Variants in PSMG2 observed in about 807,000 individuals in gnomAD.
PSMG2 encodes the protein proteasome assembly chaperone 2, also known as CD40 ligand-activated specific transcript 3.
PSMG2 carries 21 observed loss-of-function variants against 31.5 expected under a neutral mutation model. The ratio of observed to expected loss-of-function variants is 0.67; its 90% CI spans 0.47 to 0.96. The LOEUF (loss-of-function observed/expected upper bound fraction) is 0.96, where lower values mean the gene tolerates loss of function less well. Among genes scored for constraint, PSMG2 ranks in the 40% least tolerant of loss-of-function variants. The pLI is 0.00. For missense variants in PSMG2, 318 were observed against 321.2 expected, an observed-to-expected ratio of 0.99 and a Z score of 0.08; for synonymous variants, 120 against 110.4, an observed-to-expected ratio of 1.09 and a Z score of -0.54.
intron 1 of PSMG2, among the ~76,000 whole-genome samples, chr18:12,696,204 T>A (rs1458338774): frequency 6.6e-6 from 1 of 152,170 alleles, no homozygotes; most frequent in African/African-American, 2.4e-5. Flanking sequence ...TTGGTATGAC[T>A]TATTAAAATC....
chr18:12,673,467 T>G (rs2039002669), intron 1 of PSMG2: 2 of 1,588,590 alleles, frequency 1.3e-6, no homozygotes, highest in African/African-American at 2.7e-5. Flanking sequence ...GCACTTGGTC[T>G]CCACGGCAAC....
chr18:12,711,115 A>G (rs1343379444), intron 2 of PSMG2, among the ~76,000 whole-genome samples: 7 of 151,938 alleles, frequency 4.6e-5, no homozygotes, highest in African/African-American at 1.7e-4. Context: ...ACAAACAAAA[A>G]ACAAAAATTA....
chr18:12,699,319 A>G (rs546993936), upstream of PSMG2: 4 of 691,178 alleles, frequency 5.8e-6, no homozygotes, highest in Admixed American at 1.2e-4. Flanking sequence ...GACTAAAAAA[A>G]AAGCAAAAGA....
intron 1 of PSMG2, chr18:12,680,595 T>TAA: frequency 1.2e-6 from 1 of 848,446 alleles, no homozygotes; most frequent in Non-Finnish European, 1.6e-6. Flanking sequence ...AGACTCCATC[T>TAA]CAAAAAAAAA....
At chr18:12,665,618 C>A (rs1297287584) in intron 1 of PSMG2, among the ~76,000 whole-genome samples, 1 of 152,172 alleles carries the variant, frequency 6.6e-6, no homozygotes, top group Non-Finnish European at 1.5e-5. Context: ...ATTATTGACA[C>A]TGAAATTCAT....
In PSMG2 at chr18:12,725,704, G is replaced by A. The variant is rs1039191567; in HGVS notation, c.*173G>A. ...ATGCTTTTCATCATATGCACCAAAT[G>A]TAAATTTTGTACAATAAAATTTTAT... is the stretch of plus-strand genomic sequence containing the variant. On this transcript the variant is annotated 3_prime_UTR_variant, in exon 7 of 7. Transcript: ENST00000317615. The A allele has an allele frequency of 4.6e-6, 2 of 436,432 alleles. No homozygotes were observed. Among genetic ancestry groups the A allele is most frequent in the Non-Finnish European group, 8.0e-6 (2 of 249,820 alleles). The allele number at this position is 436,432 out of a possible 1,614,324, so 27.0% of individuals were successfully genotyped here. A position where few individuals can be genotyped will look rare whatever the true frequency, so the allele number is the denominator to read the frequency against.
chr18:12,703,515 C>G (rs188331146), intron 1 of PSMG2, among the ~76,000 whole-genome samples: 1 of 152,308 alleles, frequency 6.6e-6, no homozygotes, highest in East Asian at 1.9e-4. Context: ...CTTAAGCTAG[C>G]ATATTATCGT....
At chr18:12,686,992 A>G (rs2039562094) in intron 1 of PSMG2, among the ~76,000 whole-genome samples, 1 of 152,198 alleles carries the variant, frequency 6.6e-6, no homozygotes, top group African/African-American at 2.4e-5. Flanking sequence ...AACACTCTAG[A>G]AAAAGTTTTA....
upstream of PSMG2, chr18:12,702,752 T>C (rs932706553): frequency 5.0e-6 from 3 of 600,206 alleles, no homozygotes; most frequent in Middle Eastern, 4.4e-4. Flanking sequence ...GCGCCAACTG[T>C]TTTCAAACAG....
intron 1 of PSMG2, among the ~76,000 whole-genome samples, chr18:12,703,986 T>C (rs113684625): frequency 1.4e-3 from 212 of 152,220 alleles, no homozygotes; most frequent in Non-Finnish European, 2.4e-3. Flanking sequence ...GAAGGCACCA[T>C]TGGAAAATGC....
chr18:12,692,281 G>A (rs1364151686), intron 1 of PSMG2: 7 of 150,906 alleles, frequency 4.6e-5, no homozygotes, highest in Non-Finnish European at 8.8e-5. Flanking sequence ...ATGCCACCGT[G>A]CTCCACCCTG....
intron 1 of PSMG2, among the ~76,000 whole-genome samples, chr18:12,669,058 T>TTTTTTTA (rs2038873511): frequency 7.8e-6 from 1 of 127,490 alleles, no homozygotes; most frequent in African/African-American, 2.8e-5. Context: ...TTTTTTTTTT[T>TTTTTTTA]GAGACAGAGT....
upstream of PSMG2, chr18:12,702,954 A>T (rs1003476244): frequency 2.8e-5 from 22 of 798,382 alleles, no homozygotes; most frequent in Middle Eastern, 3.6e-4. Flanking sequence ...CTGAACCGGC[A>T]GTTAGCTGGA....
intron 5 of PSMG2, among the ~76,000 whole-genome samples, chr18:12,721,546 C>T (rs2040430849): frequency 6.6e-6 from 1 of 152,114 alleles, no homozygotes; most frequent in African/African-American, 2.4e-5. Context: ...TAACTCCCAA[C>T]TTTATTTCTG....
chr18:12,683,347 G>A lies in PSMG2; in HGVS notation c.-36-23203G>A, dbSNP rs371536252. ...AGCCTGGGCGACAGAGCGAGACCCC[G>A]TCCTAAACAAAAACAAAAGAAAACA... is the stretch of plus-strand genomic sequence containing the variant. On this transcript the variant is annotated intron_variant, in intron 1 of 6. Coordinates refer to the PSMG2 transcript ENST00000585331. Among the ~76,000 whole-genome samples, 17 of 145,884 alleles carry A rather than the reference G, an allele frequency of 1.2e-4. No individual in the cohort carries two copies. In the South Asian group the frequency reaches 2.3e-3, roughly 19 times the overall value.
intron 1 of PSMG2, among the ~76,000 whole-genome samples, chr18:12,692,682 ATT>A (rs2039810931): frequency 6.6e-6 from 1 of 152,166 alleles, no homozygotes; most frequent in Non-Finnish European, 1.5e-5. Flanking sequence ...TTGCTGACTT[ATT>A]GTTTCTCCTG....
At chr18:12,667,298 A>G (rs1447325229) in intron 1 of PSMG2, among the ~76,000 whole-genome samples, 1 of 152,142 alleles carries the variant, frequency 6.6e-6, no homozygotes, top group African/African-American at 2.4e-5. Flanking sequence ...CTACAAAAAA[A>G]TTTTAAAAGT....
chr18:12,674,459 G>T, intron 1 of PSMG2: 4 of 1,010,266 alleles, frequency 4.0e-6, no homozygotes, highest in Non-Finnish European at 5.7e-6. Flanking sequence ...AAAAAAAAAG[G>T]AAATTAAAAA....
In PSMG2 at chr18:12,686,491, C is replaced by T. The variant is rs369751239; in HGVS notation, c.-36-20059C>T. ...AAAACATCTGTAATGACATATTAAT[C>T]ATCCCCAATTATGTTTTTTTCAAAT... is the stretch of plus-strand genomic sequence containing the variant. On this transcript the variant is annotated intron_variant, in intron 1 of 6. Coordinates refer to the PSMG2 transcript ENST00000585331. 15 of 1,392,290 alleles carry T rather than the reference C, an allele frequency of 1.1e-5. No individual in the cohort carries two copies. In the African/African-American group the frequency reaches 2.0e-4, roughly 19 times the overall value. The allele number at this position is 1,392,290 out of a possible 1,614,324, so 86.2% of individuals were successfully genotyped here.
Sources: allele counts gnomAD v4.1 joint callset (sites outside exome capture counted in the v4.1 genomes callset), GRCh38; gene constraint gnomAD v4.1.1; transcripts MANE v1.5; gene names NCBI Gene and HGNC (gene_info 2026-07-23, HGNC 2026-07-21).